PTPN21: variants seen among roughly 807,000 people sequenced by gnomAD.
PTPN21 encodes protein tyrosine phosphatase non-receptor type 21.
Under a neutral mutation model 131.8 loss-of-function variants are expected in PTPN21, and 77 were observed. The observed-to-expected ratio is 0.58, with a 90% CI of 0.49 to 0.71. The LOEUF is 0.71. PTPN21 is among the 30% of genes least tolerant of loss of function. The probability of loss-of-function intolerance (pLI) is 0.00; values close to 1 mark genes in which losing one functional copy is unlikely to be tolerated. For missense variants in PTPN21, 1,552 were observed against 1,527.1 expected (o/e 1.02, Z -0.27); for synonymous variants, 715 against 621.3 (o/e 1.15, Z -2.24).
chr14:88,547,121 A>AT (rs2078793547), intron 2 of PTPN21, among the ~76,000 whole-genome samples: 1 of 152,158 alleles, frequency 6.6e-6, no homozygotes, highest in Non-Finnish European at 1.5e-5. Flanking sequence ...CTCTGGACTT[A>AT]TTAACAGAAG....
intron 13 of PTPN21, among the ~76,000 whole-genome samples, chr14:88,477,446 T>TCAAAAAAAAAAAAAAAAAAA (rs369022409): frequency 2.6e-5 from 2 of 76,360 alleles, no homozygotes. Context: ...AAGACTGTTC[T>TCAAAAAAAAAAAAAAAAAAA]AAAAAAAAAA....
At chr14:88,536,123 A>C (rs1222122073) in intron 2 of PTPN21, among the ~76,000 whole-genome samples, 1 of 152,234 alleles carries the variant, frequency 6.6e-6, no homozygotes, top group Non-Finnish European at 1.5e-5. Flanking sequence ...ATTCCAGCAG[A>C]AGTTGTTAAA....
chr14:88,550,938 A>G (rs2078857446), intron 1 of PTPN21, among the ~76,000 whole-genome samples: 1 of 152,180 alleles, frequency 6.6e-6, no homozygotes, highest in African/African-American at 2.4e-5. Flanking sequence ...ATTTTGGATA[A>G]GGTGTTGTTT....
At chr14:88,482,058 T>C (rs1371770002) in intron 12 of PTPN21, among the ~76,000 whole-genome samples, 1 of 152,222 alleles carries the variant, frequency 6.6e-6, no homozygotes, top group African/African-American at 2.4e-5. Flanking sequence ...ACCTTTATTA[T>C]TACTTCCCTG....
intron 2 of PTPN21, among the ~76,000 whole-genome samples, chr14:88,532,508 G>A (rs1033799852): frequency 6.6e-6 from 1 of 152,172 alleles, no homozygotes; most frequent in African/African-American, 2.4e-5. Flanking sequence ...TTGAAGAACA[G>A]AGAATAGGGA....
At chr14:88,534,931 A>C (rs762640885) in intron 2 of PTPN21, among the ~76,000 whole-genome samples, 6 of 152,172 alleles carry the variant, frequency 3.9e-5, no homozygotes, top group Non-Finnish European at 7.3e-5. Context: ...CAGTGTTTCT[A>C]GAGGCTACAA....
intron 10 of PTPN21, among the ~76,000 whole-genome samples, chr14:88,495,561 G>A (rs1402714290): frequency 6.6e-6 from 1 of 152,190 alleles, no homozygotes; most frequent in African/African-American, 2.4e-5. Flanking sequence ...TCGGGAGGCT[G>A]AGGCAGGAGA....
Position 88,479,915 on chromosome 14 carries a change from C to A in PTPN21, c.1516G>T (p.Ala506Ser). ...IREHAQLPSP[A>S]AAHCPFSLSY... Reference sequence around the variant, plus strand: ...AGGCTGAACGGGCAGTGTGCGGCCGCTGGCGAGGGGAGCTGTGCGTGCTCG... The same window carrying A: ...AGGCTGAACGGGCAGTGTGCGGCCGATGGCGAGGGGAGCTGTGCGTGCTCG... Residue 506 changes from alanine (A) to serine (S), a missense_variant, in exon 13 of 19, where the codon GCG becomes TCG. Transcript: ENST00000556564. 6.2e-7 allele frequency: 1 copy of A among 1,601,530 alleles called. No homozygotes were observed. Among genetic ancestry groups the A allele is most frequent in the Non-Finnish European group, 8.5e-7 (1 of 1,177,886 alleles).
chr14:88,503,055 T>A (rs1451701303), intron 6 of PTPN21, among the ~76,000 whole-genome samples: 3 of 146,526 alleles, frequency 2.0e-5, no homozygotes, highest in Non-Finnish European at 4.5e-5. Flanking sequence ...ATCTTTTTCT[T>A]TTTTTTTTTT....
intron 3 of PTPN21, chr14:88,512,620 C>A (rs568557451): frequency 2.6e-5 from 4 of 152,302 alleles, no homozygotes; most frequent in African/African-American, 9.6e-5. Context: ...CACTGTCTAA[C>A]AGAACATTCC....
intron 12 of PTPN21, among the ~76,000 whole-genome samples, chr14:88,484,647 A>G (rs1040812041): frequency 4.6e-5 from 7 of 152,190 alleles, no homozygotes; most frequent in Non-Finnish European, 1.0e-4. Flanking sequence ...CATACATTCA[A>G]GAACCCAAAT....
intron 8 of PTPN21, chr14:88,499,515 G>A (rs1304876840): frequency 6.6e-6 from 1 of 152,164 alleles, no homozygotes; most frequent in Non-Finnish European, 1.5e-5. Context: ...GAGGATCCAA[G>A]TTCTAGTCCT....
intron 2 of PTPN21, among the ~76,000 whole-genome samples, chr14:88,539,987 A>T (rs1157803024): frequency 6.6e-6 from 1 of 152,214 alleles, no homozygotes; most frequent in East Asian, 1.9e-4. Context: ...GCAAAATACA[A>T]GGGACTGAGA....
intron 2 of PTPN21, among the ~76,000 whole-genome samples, chr14:88,549,092 G>A (rs982032786): frequency 1.3e-5 from 2 of 152,128 alleles, no homozygotes; most frequent in African/African-American, 2.4e-5. Context: ...CTAGAACCTC[G>A]ATCTGGCCTG....
chr14:88,468,578 A>G (rs979996223), intron 18 of PTPN21, among the ~76,000 whole-genome samples: 1 of 152,220 alleles, frequency 6.6e-6, no homozygotes, highest in African/African-American at 2.4e-5. Context: ...GCTAAGTGCT[A>G]TCAGTATCTA....
At chr14:88,494,766 C>G (rs2077878943) in intron 10 of PTPN21, among the ~76,000 whole-genome samples, 1 of 151,990 alleles carries the variant, frequency 6.6e-6, no homozygotes, top group South Asian at 2.1e-4. Flanking sequence ...GTAATCCCAG[C>G]ACTTTGGGAG....
rs1232686161 is a variant in PTPN21 at position 88,550,588 on chromosome 14, A to G, written c.-171T>C. ...CCATTAAAAAGCAACGGAGTCTCCAATGGCCCGAGGAAGGGAGCATTGACG... is the reference window on the plus strand; with the variant it reads ...CCATTAAAAAGCAACGGAGTCTCCAGTGGCCCGAGGAAGGGAGCATTGACG... On this transcript the variant is annotated 5_prime_UTR_variant, in exon 2 of 19. Transcript: ENST00000556564. The G allele has an allele frequency of 4.7e-6, 3 of 636,754 alleles. No individual in the cohort carries two copies. The highest frequency in any genetic ancestry group is 7.9e-6 in the Non-Finnish European group (3 of 378,242). The allele number at this position is 636,754 out of a possible 1,614,324, so 39.4% of individuals were successfully genotyped here.
Position 88,479,081 on chromosome 14 carries a change from G to T in PTPN21, c.2350C>A (p.Gln784Lys). ...AGCAGCCCGTCTCTCCAGGGCCGCT[G>T]GGCCTCTGCGGTCGTGCGGACGGGG... ...SSPVRTTAEA[Q>K]RPWRDGLLMP... is the part of the protein sequence containing the mutation. The change falls in exon 13 of 19, where the codon CAG (glutamine) becomes AAG (lysine). Residue 784 changes from glutamine (Q) to lysine (K), a missense_variant. By Grantham distance (53) the Gln-to-Lys change is moderately conservative. This residue lies in a region of PTPN21 where 1,016 missense variants were observed against 883.5 expected (regional missense o/e 1.15). Coordinates refer to ENST00000556564, the MANE Select transcript of PTPN21 (RefSeq NM_007039.4). The T allele has an allele frequency of 6.3e-7, 1 of 1,592,716 alleles. No individual in the cohort carries two copies.
intron 4 of PTPN21, among the ~76,000 whole-genome samples, chr14:88,505,587 TA>T (rs920667939): frequency 3.3e-5 from 5 of 151,894 alleles, no homozygotes; most frequent in African/African-American, 1.2e-4. Context: ...ATGAATTAAA[TA>T]AAAAAACAAG....
Sources: allele counts gnomAD v4.1 joint callset (sites outside exome capture counted in the v4.1 genomes callset), GRCh38; gene constraint gnomAD v4.1.1; regional missense constraint gnomAD v4.1.1; transcripts MANE v1.5; gene names NCBI Gene and HGNC (gene_info 2026-07-23, HGNC 2026-07-21).